NTM: variants seen among roughly 807,000 people sequenced by gnomAD.
The protein encoded by NTM is neurotrimin.
Under a neutral mutation model 42.1 loss-of-function variants are expected in NTM, and 13 were observed. The observed-to-expected ratio is 0.31, with a 90% CI of 0.20 to 0.49. The LOEUF is 0.49. Ranked by LOEUF, NTM falls within the 20% of genes least tolerant of loss-of-function variation. NTM has a pLI of 0.99. For synonymous variants in NTM, 187 were observed against 179.2 expected, an observed-to-expected ratio of 1.04 and a Z score of -0.35; for missense variants, 373 against 452.8, an observed-to-expected ratio of 0.82 and a Z score of 1.60.
chr11:131,386,105 A>G (rs1943284818), intron 1 of NTM, among the ~76,000 whole-genome samples: 1 of 152,254 alleles, frequency 6.6e-6, no homozygotes, highest in Non-Finnish European at 1.5e-5. Context: ...AAACACAATG[A>G]GGTCTATGCA....
chr11:132,238,152 C>T (rs909452242), intron 4 of NTM, among the ~76,000 whole-genome samples: 1 of 152,116 alleles, frequency 6.6e-6, no homozygotes, highest in Non-Finnish European at 1.5e-5. Flanking sequence ...AAATCTGCCA[C>T]TCTTTTTGAT....
intron 1 of NTM, among the ~76,000 whole-genome samples, chr11:131,858,580 G>A (rs549560368): frequency 1.3e-5 from 2 of 152,258 alleles, no homozygotes; most frequent in Admixed American, 6.5e-5. Context: ...ATATAAAATC[G>A]GATGGTAAGT....
chr11:131,780,720 C>T (rs1014277917), intron 1 of NTM, among the ~76,000 whole-genome samples: 1 of 152,152 alleles, frequency 6.6e-6, no homozygotes, highest in African/African-American at 2.4e-5. Context: ...AAAAATATGT[C>T]CAATGTTAAA....
intron 1 of NTM, among the ~76,000 whole-genome samples, chr11:131,645,487 G>C (rs1206723341): frequency 1.3e-5 from 2 of 152,074 alleles, no homozygotes; most frequent in Non-Finnish European, 2.9e-5. Flanking sequence ...TGCTAAATAG[G>C]GAAAGGAGTT....
At chr11:131,551,665 C>T (rs2054685939) in intron 1 of NTM, among the ~76,000 whole-genome samples, 1 of 152,136 alleles carries the variant, frequency 6.6e-6, no homozygotes, top group Non-Finnish European at 1.5e-5. Flanking sequence ...AGGAGACTGC[C>T]CTGTTGATAA....
intron 1 of NTM, among the ~76,000 whole-genome samples, chr11:131,884,877 G>C (rs189757882): frequency 4.8e-4 from 73 of 152,268 alleles, no homozygotes; most frequent in Non-Finnish European, 4.1e-4. Flanking sequence ...CTGTGTGTCA[G>C]GGCTACTCTT....
At position 131,575,195 on chromosome 11, in the gene NTM, G is replaced by A. The variant is rs963586274; in HGVS notation, c.82+204307G>A. ...TCACAGTGAACTTCAGCATACAAAG[G>A]CTCTGAGAAGTCCTGCAACAAGGAA... On this transcript the variant is annotated intron_variant, in intron 1 of 8. Coordinates refer to ENST00000683400, the MANE Select transcript of NTM (RefSeq NM_001352005.2). Among the ~76,000 whole-genome samples the A allele has an allele frequency of 3.0e-4, 10 of 33,056 alleles. No homozygotes were observed. In the East Asian group the frequency reaches 0.015, roughly 49 times the overall value. 21.7% of individuals were successfully genotyped at this position (33,056 alleles called of 152,430 possible).
chr11:132,146,570 G>T lies in NTM; in HGVS notation c.400+56G>T. On this transcript the variant is annotated intron_variant, in intron 3 of 8. Coordinates refer to ENST00000683400, the MANE Select transcript of NTM (RefSeq NM_001352005.2). The surrounding 1 kb of genome is among the most constrained non-coding windows in gnomAD (Gnocchi z 4.5). ...GGCTGGCCAGCCTGGAAAGCCTTCA[G>T]GTAAAGGTTTGTTCTCTGATCCTCA... The T allele has an allele frequency of 6.3e-7, 1 of 1,578,044 alleles. No homozygotes were observed. The highest frequency in any genetic ancestry group is 2.3e-5 in the East Asian group (1 of 44,060).
intron 4 of NTM, among the ~76,000 whole-genome samples, chr11:132,214,306 C>G (rs572614768): frequency 1.7e-4 from 26 of 152,154 alleles, no homozygotes; most frequent in Non-Finnish European, 2.6e-4. Flanking sequence ...CCAGCCCAGT[C>G]TGTGCCTTTG....
intron 1 of NTM, among the ~76,000 whole-genome samples, chr11:131,907,776 G>A (rs1001003304): frequency 9.2e-5 from 14 of 152,090 alleles, no homozygotes; most frequent in African/African-American, 2.7e-4. Flanking sequence ...TCATTAACTC[G>A]GATATGCTGG....
intron 2 of NTM, among the ~76,000 whole-genome samples, chr11:132,123,044 TC>T (rs542864245): frequency 4.8e-4 from 73 of 152,272 alleles, no homozygotes; most frequent in Admixed American, 1.5e-3. Context: ...GGCACACTTT[TC>T]CTATCTTCTC....
chr11:131,522,204 G>T (rs2049837445), intron 1 of NTM, among the ~76,000 whole-genome samples: 1 of 152,062 alleles, frequency 6.6e-6, no homozygotes. Flanking sequence ...TGACTTTTGA[G>T]TGAGTTCAAA....
At chr11:131,465,391 G>A (rs1446465426) in intron 1 of NTM, among the ~76,000 whole-genome samples, 2 of 152,104 alleles carry the variant, frequency 1.3e-5, no homozygotes, top group Non-Finnish European at 2.9e-5. Context: ...TACAATCTGA[G>A]AAAAATCCAG....
chr11:131,616,593 G>A (rs1297350034), intron 1 of NTM, among the ~76,000 whole-genome samples: 2 of 152,104 alleles, frequency 1.3e-5, no homozygotes, highest in East Asian at 3.9e-4. Context: ...AGGCTGCGGC[G>A]GCACCAGGGG....
At chr11:132,116,819 T>C (rs1443617283) in intron 2 of NTM, among the ~76,000 whole-genome samples, 1 of 152,236 alleles carries the variant, frequency 6.6e-6, no homozygotes, top group Non-Finnish European at 1.5e-5. Flanking sequence ...CTTTCCGTGA[T>C]GCTATCCTCA....
At position 131,749,744 on chromosome 11, in the gene NTM, G is replaced by A. The variant is rs558355732; in HGVS notation, c.83-161820G>A. ...CTCCCAAGTAGCTGGGATGACAGGT[G>A]CCCACCACCATGCTCAGATAATTTT... On this transcript the variant is annotated intron_variant, in intron 1 of 8. Coordinates refer to ENST00000683400, the MANE Select transcript of NTM (RefSeq NM_001352005.2). Among the ~76,000 whole-genome samples, 5 of 152,260 alleles carry A rather than the reference G, an allele frequency of 3.3e-5. No homozygotes were observed. In the East Asian group the frequency reaches 9.6e-4, roughly 29 times the overall value.
At chr11:131,967,156 T>C (rs561745822) in intron 2 of NTM, among the ~76,000 whole-genome samples, 1 of 152,186 alleles carries the variant, frequency 6.6e-6, no homozygotes, top group East Asian at 1.9e-4. Flanking sequence ...GACAGGTGAA[T>C]ATAAAAGAGG....
intron 2 of NTM, among the ~76,000 whole-genome samples, chr11:132,128,036 A>G (rs935485777): frequency 2.0e-5 from 3 of 152,174 alleles, no homozygotes; most frequent in African/African-American, 7.2e-5. Context: ...ACTCTCATCC[A>G]TATGTCCTCT....
chr11:131,734,468 C>G (rs789557), intron 1 of NTM, among the ~76,000 whole-genome samples: 20,479 of 152,128 alleles, frequency 0.13, 1,743 homozygotes, highest in Middle Eastern at 0.22. Flanking sequence ...CAAACATGGA[C>G]CTAATAAGTG....
Sources: gnomAD v4.1 joint callset for allele counts (sites outside exome capture counted in the v4.1 genomes callset) on GRCh38, gnomAD v4.1.1 for gene constraint, Gnocchi (gnomAD v3.1) non-coding constraint, MANE v1.5 for transcripts, NCBI Gene and HGNC (gene_info 2026-07-23, HGNC 2026-07-21) for gene names.